NRAP: variants seen among roughly 807,000 people sequenced by gnomAD.
The protein encoded by NRAP is nebulin-related-anchoring protein.
In NRAP, 189 loss-of-function variants were observed where a neutral mutation model predicts 225.9. The ratio of observed to expected loss-of-function variants is 0.84; its 90% CI spans 0.74 to 0.94. The LOEUF is 0.94. Ranked by LOEUF, NRAP falls within the 40% of genes least tolerant of loss-of-function variation. NRAP has a pLI of 0.00. For synonymous variants in NRAP, 769 were observed against 790.7 expected, an observed-to-expected ratio of 0.97 and a Z score of 0.46; for missense variants, 2,176 against 2,168.7, an observed-to-expected ratio of 1.00 and a Z score of -0.07.
At chr10:113,626,703 T>C (rs1032238691) in intron 20 of NRAP, among the ~76,000 whole-genome samples, 5 of 152,136 alleles carry the variant, frequency 3.3e-5, no homozygotes, top group African/African-American at 1.2e-4. Context: ...GTTATCACAA[T>C]TGTCCAGAAA....
intron 11 of NRAP, 22 bp from the exon 12 acceptor site, chr10:113,643,060 C>T: frequency 8.3e-7 from 1 of 1,208,378 alleles, no homozygotes; most frequent in South Asian, 1.2e-5. Context: ...AAACACCAGA[C>T]ACACAATAGA....
intron 7 of NRAP, among the ~76,000 whole-genome samples, chr10:113,651,455 G>A (rs1197771676): frequency 2.0e-5 from 3 of 152,064 alleles, no homozygotes; most frequent in Non-Finnish European, 2.9e-5. Context: ...TATTAAGCCC[G>A]GCATGCATTA....
At chr10:113,650,235 T>A in intron 8 of NRAP, 94 bp from the exon 9 acceptor site, 1 of 865,878 alleles carries the variant, frequency 1.2e-6, no homozygotes, top group Non-Finnish European at 1.9e-6. Flanking sequence ...ATGTTCTTTT[T>A]CTGCTTGGAT....
intron 2 of NRAP, 145 bp from the exon 3 acceptor site, chr10:113,662,911 C>T (rs1475498233): frequency 6.4e-6 from 3 of 470,270 alleles, no homozygotes; most frequent in African/African-American, 6.1e-5. Context: ...TCGTGATTTT[C>T]CAGGCAATGC....
Position 113,614,306 on chromosome 10 carries a change from AAG to A in NRAP, c.3187-12_3187-11del, listed in dbSNP as rs1304333314. The stretch of plus-strand genomic sequence containing the variant: ...CCTCTTTGTATTTGTACTAAAGGGA[AAG>A]AGAGCGGGAGAGAGGAACAGCTCAG... On this transcript the variant is annotated splice_polypyrimidine_tract_variant and intron_variant, in intron 28 of 41. Coordinates refer to ENST00000359988, the MANE Select transcript of NRAP (RefSeq NM_198060.4). 12 of 1,569,244 alleles carry A rather than the reference AAG, an allele frequency of 7.6e-6. No individual in the cohort carries two copies. In the East Asian group the frequency reaches 2.7e-4, roughly 35 times the overall value.
At chr10:113,648,974 A>AT (rs566432565) in intron 9 of NRAP, among the ~76,000 whole-genome samples, 2 of 152,104 alleles carry the variant, frequency 1.3e-5, no homozygotes, top group East Asian at 1.9e-4. Flanking sequence ...TAGAAGCCAG[A>AT]TTTTTTTTAA....
In NRAP at chr10:113,606,286, G is replaced by A; in HGVS notation, c.3703-4C>T. 6.4e-7 allele frequency: 1 copy of A among 1,573,934 alleles called. No individual in the cohort carries two copies. Among genetic ancestry groups the A allele is most frequent in the Non-Finnish European group, 8.7e-7 (1 of 1,143,656 alleles). On this transcript the variant is annotated splice_polypyrimidine_tract_variant and splice_region_variant and intron_variant, in intron 32 of 41. Coordinates refer to ENST00000359988, the MANE Select transcript of NRAP (RefSeq NM_198060.4). ...CTCCAGCTGCTTTATAGAGGCGCTA[G>A]GCCAAAAAAATATAATAATAATAAT...
chr10:113,591,472 A>T (rs543408524), intron 39 of NRAP, among the ~76,000 whole-genome samples: 13 of 152,312 alleles, frequency 8.5e-5, no homozygotes, highest in African/African-American at 3.1e-4. Flanking sequence ...TTTCAATGAG[A>T]TGAGTCCAGT....
At chr10:113,641,945 A>C (rs1355555385) in intron 12 of NRAP, among the ~76,000 whole-genome samples, 1 of 152,218 alleles carries the variant, frequency 6.6e-6, no homozygotes, top group Non-Finnish European at 1.5e-5. Flanking sequence ...GTGATGTAAA[A>C]GTTGGTCACT....
chr10:113,601,797 G>A (rs748733482), intron 35 of NRAP, among the ~76,000 whole-genome samples: 7 of 152,096 alleles, frequency 4.6e-5, no homozygotes, highest in Non-Finnish European at 1.0e-4. Flanking sequence ...GACATTATGT[G>A]GATCCCACCA....
At chr10:113,625,118 T>TG (rs2134001495) in intron 21 of NRAP, among the ~76,000 whole-genome samples, 188 bp from the exon 22 acceptor site, 1 of 152,128 alleles carries the variant, frequency 6.6e-6, no homozygotes, top group South Asian at 2.1e-4. Context: ...GGAGAAGCAG[T>TG]GGGGAGGAGC....
At chr10:113,647,559 C>G (rs1047451523) in intron 9 of NRAP, among the ~76,000 whole-genome samples, 1 of 131,212 alleles carries the variant, frequency 7.6e-6, no homozygotes, top group Non-Finnish European at 1.6e-5. Flanking sequence ...CTGTCTCCCC[C>G]AGTGGTACTG....
At chr10:113,657,619 G>A in intron 3 of NRAP, 45 bp from the exon 4 acceptor site, 1 of 1,141,184 alleles carries the variant, frequency 8.8e-7, no homozygotes, top group Admixed American at 1.8e-5. Context: ...TCAGAAAAGA[G>A]AAAAAAACAT....
At position 113,615,700 on chromosome 10, in the gene NRAP, G is replaced by A; in HGVS notation, c.3078+12C>T. ...CCGTCATTAAAACTCGTGCCCCTTGGGTCAGCCTCACCTCACTGATATTCA... is the reference window on the plus strand; with the variant it reads ...CCGTCATTAAAACTCGTGCCCCTTGAGTCAGCCTCACCTCACTGATATTCA... On this transcript the variant is annotated intron_variant, in intron 27 of 41. Transcript: ENST00000359988. The A allele has an allele frequency of 6.6e-7, 1 of 1,518,692 alleles. No individual in the cohort carries two copies. The highest frequency in any genetic ancestry group is 9.1e-7 in the Non-Finnish European group (1 of 1,093,140). The allele number at this position is 1,518,692 out of a possible 1,614,324, so 94.1% of individuals were successfully genotyped here.
chr10:113,614,800 G>C (rs758118078), intron 28 of NRAP, 39 bp downstream of exon 28: 2 of 1,209,798 alleles, frequency 1.7e-6, no homozygotes, highest in Non-Finnish European at 2.5e-6. Flanking sequence ...AAACGGGTTA[G>C]TGTTGAACAT....
chr10:113,657,658 G>A (rs1019122730), intron 3 of NRAP, 84 bp from the exon 4 acceptor site: 3 of 821,238 alleles, frequency 3.7e-6, no homozygotes, highest in Admixed American at 4.1e-5. Flanking sequence ...TAAAATTGGG[G>A]GATTTTGCTA....
At chr10:113,601,383 A>C (rs1846592497) in intron 35 of NRAP, among the ~76,000 whole-genome samples, 1 of 152,236 alleles carries the variant, frequency 6.6e-6, no homozygotes, top group South Asian at 2.1e-4. Context: ...TGCATAATAG[A>C]AACACGTGAA....
chr10:113,588,735 T>C lies in NRAP; in HGVS notation c.*240A>G. 1.8e-6 allele frequency: 1 copy of C among 557,758 alleles called. No individual in the cohort carries two copies. Among genetic ancestry groups the C allele is most frequent in the Non-Finnish European group, 3.2e-6 (1 of 316,518 alleles). The allele number at this position is 557,758 out of a possible 1,614,324, so 34.6% of individuals were successfully genotyped here. A position where few individuals can be genotyped will look rare whatever the true frequency, so the allele number is the denominator to read the frequency against. On this transcript the variant is annotated 3_prime_UTR_variant, in exon 42 of 42. Transcript: ENST00000359988. ...AGCATCAGCGGGAACCACCATCACA[T>C]CTTTATTCCTCAGCCCAGACACTCG...
chr10:113,638,694 G>A (rs917055459), intron 14 of NRAP, among the ~76,000 whole-genome samples: 16 of 152,222 alleles, frequency 1.1e-4, no homozygotes, highest in East Asian at 3.9e-4. Flanking sequence ...AAAGGTGAGC[G>A]TATTAGTTTT....
Sources: gnomAD v4.1 joint callset for allele counts (sites outside exome capture counted in the v4.1 genomes callset) on GRCh38, gnomAD v4.1.1 for gene constraint, MANE v1.5 for transcripts, NCBI Gene and HGNC (gene_info 2026-07-23, HGNC 2026-07-21) for gene names.